Variants in SGPP1 observed in about 807,000 individuals in gnomAD.
SGPP1 encodes the protein sphingosine-1-phosphate phosphatase 1, also known as hSPP1.
Under a neutral mutation model 33.0 loss-of-function variants are expected in SGPP1, and 21 were observed. The ratio of observed to expected loss-of-function variants is 0.64; its 90% CI spans 0.45 to 0.92. SGPP1 has a LOEUF of 0.92. SGPP1 is among the 40% of genes least tolerant of loss of function. SGPP1 has a pLI of 0.00. For synonymous variants in SGPP1, 239 were observed against 241.2 expected (o/e 0.99, Z 0.08); for missense variants, 543 against 589.4 (o/e 0.92, Z 0.81).
chr14:63,725,366 T>A (rs11846761), intron 1 of SGPP1, among the ~76,000 whole-genome samples: 6,977 of 152,278 alleles, frequency 0.046, 253 homozygotes, highest in African/African-American at 0.098. Flanking sequence ...AGAGCGAGAC[T>A]CCGTCAGGAG....
In SGPP1 at chr14:63,727,320, CA is replaced by C. The variant is rs1885904506; in HGVS notation, c.624del (p.His208GlnfsTer28). 1 of 1,614,026 alleles carries C rather than the reference CA, an allele frequency of 6.2e-7. No homozygotes were observed. Among genetic ancestry groups the C allele is most frequent in the Non-Finnish European group, 8.5e-7 (1 of 1,179,958 alleles). On this transcript the variant is annotated frameshift_variant, in exon 1 of 3. Transcript: ENST00000247225. LOFTEE classifies it high-confidence loss of function. ...ATGGGGATGGCGGTGCCGGACATGG[CA>C]TGGGTGGAGGGCATGCTGTACTCAG... ...YNSEYSMPST[H>X]AMSGTAIPIS...
chr14:63,715,692 T>A (rs550321984), intron 1 of SGPP1, among the ~76,000 whole-genome samples: 1 of 152,210 alleles, frequency 6.6e-6, no homozygotes, highest in East Asian at 1.9e-4. Flanking sequence ...AGGCTGTAAT[T>A]TGCAGGACAG....
At chr14:63,725,166 A>G (rs1180326085) in intron 1 of SGPP1, among the ~76,000 whole-genome samples, 4 of 152,198 alleles carry the variant, frequency 2.6e-5, no homozygotes, top group Non-Finnish European at 5.9e-5. Flanking sequence ...TGAGGTCAGG[A>G]GTTCAAGACC....
rs17101357 is a variant in SGPP1, at chr14:63,686,773, C to T, written c.775-117G>A. The T allele has an allele frequency of 7.5e-4, 535 of 710,726 alleles. 5 individuals carry two copies. The East Asian group carries it at 9.8e-3, about 13-fold the overall frequency. The allele number at this position is 710,726 out of a possible 1,614,324, so 44.0% of individuals were successfully genotyped here. On this transcript the variant is annotated intron_variant, in intron 2 of 2. Coordinates refer to ENST00000247225, the MANE Select transcript of SGPP1 (RefSeq NM_030791.4). ...ATATACATAAATTTTTTAAAGTTGT[C>T]AAATTCTCAAAGTAAACTTTATTAA...
rs965598704 is a variant in SGPP1, at chr14:63,686,183, C to T, written c.1248G>A (p.Arg416=). The change falls in exon 3 of 3, where the codon CGG becomes CGA. Residue 416 remains arginine, a synonymous_variant. Coordinates refer to ENST00000247225, the MANE Select transcript of SGPP1 (RefSeq NM_030791.4). Reference sequence around the variant, plus strand: ...AACCAACCATTCCATAGGTAATATACCGATAAGGAAGTTCAACTTCCATGT... The same window carrying T: ...AACCAACCATTCCATAGGTAATATATCGATAAGGAAGTTCAACTTCCATGT... ...RQHMEVELPY[R]YITYGMVGFS... 9.3e-6 allele frequency: 15 copies of T among 1,613,648 alleles called. No individual in the cohort carries two copies. The African/African-American group carries it at 2.0e-4, about 22-fold the overall frequency.
At chr14:63,714,847 C>T (rs1162107802) in intron 1 of SGPP1, among the ~76,000 whole-genome samples, 1 of 151,822 alleles carries the variant, frequency 6.6e-6, no homozygotes, top group Non-Finnish European at 1.5e-5. Context: ...CCCACCTTAG[C>T]CTCCAGAGTA....
rs146830779 is a variant in SGPP1 at position 63,719,570 on chromosome 14, T to C, written c.684+7691A>G. Among the ~76,000 whole-genome samples the C allele has an allele frequency of 4.4e-3, 664 of 152,110 alleles. 4 individuals carry two copies. The highest frequency in any genetic ancestry group is 0.015 in the African/African-American group (630 of 41,504). On this transcript the variant is annotated intron_variant, in intron 1 of 2. Transcript: ENST00000247225. ...GCAAACAATTGGAAAACTAAAGGTATTGGAATATTTCTTGAGGGGAGCGCT... is the reference window on the plus strand; with the variant it reads ...GCAAACAATTGGAAAACTAAAGGTACTGGAATATTTCTTGAGGGGAGCGCT...
At position 63,690,341 on chromosome 14, in the gene SGPP1, C is replaced by T. The variant is rs577319409; in HGVS notation, c.775-3685G>A. On this transcript the variant is annotated intron_variant, in intron 2 of 2. Coordinates refer to ENST00000247225, the MANE Select transcript of SGPP1 (RefSeq NM_030791.4). ...TACAGCTGTGAGCCACTGTGACCGGCTGGGCTATTTCTTTTCTATGCAATA... is the reference window on the plus strand; with the variant it reads ...TACAGCTGTGAGCCACTGTGACCGGTTGGGCTATTTCTTTTCTATGCAATA... Among the ~76,000 whole-genome samples, 6 of 152,292 alleles carry T rather than the reference C, an allele frequency of 3.9e-5. No homozygotes were observed. The East Asian group carries it at 1.2e-3, about 29-fold the overall frequency.
intron 2 of SGPP1, among the ~76,000 whole-genome samples, chr14:63,689,518 C>T (rs368944039): frequency 5.3e-5 from 8 of 150,492 alleles, no homozygotes; most frequent in Admixed American, 6.6e-5. Flanking sequence ...TAGTTTGGCC[C>T]GGGGGTGGTG....
In SGPP1 at chr14:63,686,416, T is replaced by C. The variant is rs144474145; in HGVS notation, c.1015A>G (p.Met339Val). ...AGAGAAGGATCTAATACTAGACCCA[T>C]GTTATAAGTAACATGAGATCCACAT... ...IACGSHVTYN[M>V]GLVLDPSLDT... The change falls in exon 3 of 3, where the codon ATG (methionine) becomes GTG (valine). Residue 339 changes from methionine to valine, a missense_variant. Met to Val is a conservative substitution (Grantham distance 21, BLOSUM62 1). Coordinates refer to ENST00000247225, the MANE Select transcript of SGPP1 (RefSeq NM_030791.4). 14 of 1,614,044 alleles carry C rather than the reference T, an allele frequency of 8.7e-6. No homozygotes were observed. The highest frequency in any genetic ancestry group is 2.7e-5 in the African/African-American group (2 of 74,908).
intron 1 of SGPP1, among the ~76,000 whole-genome samples, chr14:63,707,207 G>A (rs11158503): frequency 0.089 from 13,575 of 151,916 alleles, 1,315 homozygotes; most frequent in African/African-American, 0.25. Context: ...CAAAGAATCA[G>A]TTTAGCAACT....
intron 1 of SGPP1, among the ~76,000 whole-genome samples, chr14:63,724,428 C>A (rs951111919): frequency 6.6e-6 from 1 of 151,908 alleles, no homozygotes; most frequent in African/African-American, 2.4e-5. Flanking sequence ...AGCAGATAGG[C>A]AAGACTGCCA....
intron 2 of SGPP1, among the ~76,000 whole-genome samples, chr14:63,687,784 T>TG (rs1363168090): frequency 1.3e-5 from 2 of 152,132 alleles, no homozygotes; most frequent in East Asian, 1.9e-4. Flanking sequence ...GCCCAGGAGT[T>TG]GGAGACCAGG....
intron 1 of SGPP1, among the ~76,000 whole-genome samples, chr14:63,722,996 T>C (rs1288039693): frequency 6.6e-6 from 1 of 151,472 alleles, no homozygotes; most frequent in Non-Finnish European, 1.5e-5. Context: ...AAAATTAATC[T>C]AAAACCTTCT....
At chr14:63,695,611 G>A (rs1414918236) in intron 2 of SGPP1, among the ~76,000 whole-genome samples, 1 of 152,150 alleles carries the variant, frequency 6.6e-6, no homozygotes, top group Non-Finnish European at 1.5e-5. Flanking sequence ...AATAACCATT[G>A]TTAAAACTCT....
chr14:63,724,613 CT>C lies in SGPP1; in HGVS notation c.684+2647del, dbSNP rs1313151227. On this transcript the variant is annotated intron_variant, in intron 1 of 2. Coordinates refer to ENST00000247225, the MANE Select transcript of SGPP1 (RefSeq NM_030791.4). ...TTTGTTTTCAATAGATAACAAGGATCTTTAAAAAAAAAAAAAAAAAAAAAAA... is the reference window on the plus strand; with the variant it reads ...TTTGTTTTCAATAGATAACAAGGATCTTAAAAAAAAAAAAAAAAAAAAAAA... Among the ~76,000 whole-genome samples the C allele has an allele frequency of 3.8e-5, 3 of 78,386 alleles. No individual in the cohort carries two copies. In the East Asian group the frequency reaches 1.1e-3, roughly 28 times the overall value. The allele number at this position is 78,386 out of a possible 152,430, so 51.4% of individuals were successfully genotyped here.
At chr14:63,705,438 T>C (rs1885390056) in intron 1 of SGPP1, among the ~76,000 whole-genome samples, 1 of 150,892 alleles carries the variant, frequency 6.6e-6, no homozygotes. Flanking sequence ...GGGGCCGAGG[T>C]GGGCAGATTG....
intron 2 of SGPP1, among the ~76,000 whole-genome samples, chr14:63,690,817 T>G (rs940860286): frequency 6.6e-6 from 1 of 152,132 alleles, no homozygotes; most frequent in Non-Finnish European, 1.5e-5. Flanking sequence ...TTCAAGCAAT[T>G]CTCCTGTCTC....
chr14:63,704,280 C>T (rs1004165666), intron 1 of SGPP1, among the ~76,000 whole-genome samples: 5 of 152,174 alleles, frequency 3.3e-5, no homozygotes, highest in Non-Finnish European at 5.9e-5. Context: ...AAATTTACTA[C>T]AGTATTCAAA....
Sources: allele counts gnomAD v4.1 joint callset (sites outside exome capture counted in the v4.1 genomes callset), GRCh38; gene constraint gnomAD v4.1.1; transcripts MANE v1.5; gene names NCBI Gene and HGNC (gene_info 2026-07-23, HGNC 2026-07-21).